The following CAPRIN2 variants were observed in gnomAD, a reference collection of about 807,000 sequenced individuals.
CAPRIN2 encodes caprin-2.
A neutral mutation model predicts 130.4 loss-of-function variants in CAPRIN2; 66 were observed. The observed-to-expected ratio is 0.51, with a 90% CI of 0.42 to 0.62. The LOEUF is 0.62. CAPRIN2 is among the 20% of genes least tolerant of loss of function. The pLI is 0.00. For synonymous variants in CAPRIN2, 471 were observed against 444.1 expected (o/e 1.06, Z -0.76); for missense variants, 1,185 against 1,246.6 (o/e 0.95, Z 0.74).
intron 12 of CAPRIN2, among the ~76,000 whole-genome samples, chr12:30,717,273 T>C (rs1447674045): frequency 6.6e-6 from 1 of 152,204 alleles, no homozygotes; most frequent in Non-Finnish European, 1.5e-5. Flanking sequence ...CCTGATACAC[T>C]GTATAACGCA....
rs2053844507 is a variant in CAPRIN2, at chr12:30,710,277, G to A, written c.2859C>T (p.Ala953=). Residue 953 remains alanine, a synonymous_variant, in exon 17 of 17, where the codon GCC becomes GCT. Coordinates refer to ENST00000298892, the Ensembl canonical transcript of CAPRIN2. This position sits in a 1 kb window ranked among gnomAD's most constrained non-coding sequence, Gnocchi z 4.8. Reference sequence around the variant, plus strand: ...TTCCAGGGGCCAGATTAGAGGTTCTGGCTGCTGAGAAGGCAACTCGCATCT... The same window carrying A: ...TTCCAGGGGCCAGATTAGAGGTTCTAGCTGCTGAGAAGGCAACTCGCATCT... The A allele has an allele frequency of 6.2e-7, 1 of 1,614,192 alleles. No individual in the cohort carries two copies. The highest frequency in any genetic ancestry group is 1.7e-5 in the Admixed American group (1 of 60,022).
chr12:30,720,670 G>C, intron 12 of CAPRIN2, 141 bp downstream of exon 13: 2 of 567,828 alleles, frequency 3.5e-6, no homozygotes. Flanking sequence ...AAAGTTCCAA[G>C]ATCACAATAT....
intron 3 of CAPRIN2, among the ~76,000 whole-genome samples, chr12:30,736,920 T>G (rs2065095881): frequency 6.6e-6 from 1 of 152,190 alleles, no homozygotes; most frequent in African/African-American, 2.4e-5. Flanking sequence ...TATCTCAGAT[T>G]TATCTTTGGC....
chr12:30,747,407 ATGGCTCACACC>A (rs2071132448), intron 2 of CAPRIN2, among the ~76,000 whole-genome samples: 1 of 152,114 alleles, frequency 6.6e-6, no homozygotes, highest in African/African-American at 2.4e-5. Context: ...GCCGGGCGTG[ATGGCTCACACC>A]TGTAATCCCA....
rs1591935737 is a variant in CAPRIN2, at chr12:30,714,954, C to A, written c.2500+5G>T. 1 of 1,609,874 alleles carries A rather than the reference C, an allele frequency of 6.2e-7. No homozygotes were observed. The highest frequency in any genetic ancestry group is 8.5e-7 in the Non-Finnish European group (1 of 1,176,392). Reference sequence around the variant, plus strand: ...CAGTATAATTCAATTTTATTCAGGGCATACCTTTATAACCACCAGGGGACC... The same window carrying A: ...CAGTATAATTCAATTTTATTCAGGGAATACCTTTATAACCACCAGGGGACC... On this transcript the variant is annotated splice_donor_5th_base_variant and intron_variant, in intron 14 of 16. Transcript: ENST00000298892.
intron 9 of CAPRIN2, among the ~76,000 whole-genome samples, chr12:30,724,701 C>T (rs1390878817): frequency 6.6e-6 from 1 of 152,094 alleles, no homozygotes; most frequent in Non-Finnish European, 1.5e-5. Context: ...GCTAAAACCA[C>T]AAGAGTAGGC....
At chr12:30,745,488 T>G (rs73079992) in intron 2 of CAPRIN2, among the ~76,000 whole-genome samples, 16,948 of 152,158 alleles carry the variant, frequency 0.11, 1,031 homozygotes, top group Middle Eastern at 0.16. Flanking sequence ...GAGTTACTAC[T>G]TCAAAGAGGC....
chr12:30,711,123 T>C (rs1565529777), intron 16 of CAPRIN2, among the ~76,000 whole-genome samples: 1 of 152,236 alleles, frequency 6.6e-6, no homozygotes, highest in Non-Finnish European at 1.5e-5. Flanking sequence ...AAACTTTTAA[T>C]AGTTCCTTCA....
intron 8 of CAPRIN2, among the ~76,000 whole-genome samples, chr12:30,726,387 T>C (rs760105115): frequency 1.5e-4 from 23 of 152,064 alleles, no homozygotes; most frequent in Non-Finnish European, 3.1e-4. Flanking sequence ...ATATGTCCTC[T>C]AGGATAAGAT....
chr12:30,727,396 C>T (rs775315815), intron 8 of CAPRIN2, among the ~76,000 whole-genome samples: 9 of 152,152 alleles, frequency 5.9e-5, no homozygotes, highest in Non-Finnish European at 1.2e-4. Flanking sequence ...TTATAAAATG[C>T]AATGCTTTGC....
At chr12:30,730,166 C>T in intron 7 of CAPRIN2, 73 bp downstream of exon 8, 1 of 1,275,396 alleles carries the variant, frequency 7.8e-7, no homozygotes, top group Non-Finnish European at 1.1e-6. Context: ...GCTCCAGAGC[C>T]TTAGCTTCCA....
intron 12 of CAPRIN2, 93 bp downstream of exon 13, chr12:30,720,718 C>A (rs2059155527): frequency 2.6e-6 from 2 of 757,794 alleles, no homozygotes; most frequent in South Asian, 3.2e-5. Context: ...ATAAATGTTA[C>A]ATCATTCAAC....
intron 14 of CAPRIN2, 84 bp downstream of exon 16, chr12:30,714,875 A>T (rs755954749): frequency 6.3e-6 from 7 of 1,110,068 alleles, no homozygotes; most frequent in Admixed American, 5.8e-5. Context: ...GACAAAAGGG[A>T]GCAAGGTTAG....
exon 17 of CAPRIN2, chr12:30,709,920 A>G: frequency 6.2e-7 from 1 of 1,607,764 alleles, no homozygotes; most frequent in Non-Finnish European, 8.5e-7. Context: ...GATAAAGAAG[A>G]TAGCCTGAAA....
At chr12:30,715,617 G>A in intron 13 of CAPRIN2, 1 of 344,684 alleles carries the variant, frequency 2.9e-6, no homozygotes, top group Non-Finnish European at 5.7e-6. Context: ...CAGTTTGGTT[G>A]TACTTAATGC....
chr12:30,728,902 G>A lies in CAPRIN2; in HGVS notation c.1528C>T (p.Gln510Ter). 6.2e-7 allele frequency: 1 copy of A among 1,614,140 alleles called. No homozygotes were observed. The highest frequency in any genetic ancestry group is 8.5e-7 in the Non-Finnish European group (1 of 1,180,018). ...GAAGGTGTCCAAGACTTTGGAGTTT[G>A]CTTCTTTGGATCTTGTTCTTTCTGC... Residue 510 changes from glutamine to a stop codon, truncating the protein, a stop_gained, in exon 8 of 17, where the codon CAA becomes TAA. Coordinates refer to ENST00000298892, the Ensembl canonical transcript of CAPRIN2. LOFTEE classifies it high-confidence loss of function.
chr12:30,721,546 A>G (rs1043111932), intron 11 of CAPRIN2, among the ~76,000 whole-genome samples: 10 of 152,246 alleles, frequency 6.6e-5, no homozygotes, highest in African/African-American at 2.2e-4. Context: ...ACTGTAACCA[A>G]CAGAAAATTA....
chr12:30,709,728 T>C lies in CAPRIN2; in HGVS notation c.*174A>G, dbSNP rs2053691720. ...TTATAAAGTGCCAGATTAGTGCTAA[T>C]TGTCATTCAGCTTGATTTTTCACCT... On this transcript the variant is annotated 3_prime_UTR_variant, in exon 17 of 17. Coordinates refer to ENST00000298892, the Ensembl canonical transcript of CAPRIN2. 1.9e-5 allele frequency: 12 copies of C among 630,404 alleles called. No individual in the cohort carries two copies. In the South Asian group the frequency reaches 2.1e-4, roughly 11 times the overall value. The allele number at this position is 630,404 out of a possible 1,614,324, so 39.1% of individuals were successfully genotyped here. A position where few individuals can be genotyped will look rare whatever the true frequency, so the allele number is the denominator to read the frequency against.
intron 3 of CAPRIN2, among the ~76,000 whole-genome samples, chr12:30,739,798 C>G (rs1430915405): frequency 6.6e-6 from 1 of 151,882 alleles, no homozygotes. Flanking sequence ...ATAGCAACTT[C>G]CCAGACTATT....
Sources: allele counts gnomAD v4.1 joint callset (sites outside exome capture counted in the v4.1 genomes callset), GRCh38; gene constraint gnomAD v4.1.1; non-coding constraint Gnocchi (gnomAD v3.1); transcripts MANE v1.5; gene names NCBI Gene and HGNC (gene_info 2026-07-23, HGNC 2026-07-21).